Variants in TYW1 observed in about 807,000 individuals in gnomAD.
TYW1 encodes S-adenosyl-L-methionine-dependent tRNA 4-demethylwyosine synthase TYW1.
TYW1 carries 46 observed loss-of-function variants against 96.2 expected under a neutral mutation model. The observed-to-expected ratio is 0.48, with a 90% confidence interval of 0.38 to 0.61. The LOEUF is 0.61. Among genes scored for constraint, TYW1 ranks in the 20% least tolerant of loss-of-function variants. The pLI is 0.00. For missense variants in TYW1, 684 were observed against 909.6 expected, an observed-to-expected ratio of 0.75 and a Z score of 3.19; for synonymous variants, 274 against 323.0, an observed-to-expected ratio of 0.85 and a Z score of 1.63.
intron 6 of TYW1, among the ~76,000 whole-genome samples, chr7:67,020,742 T>C (rs568793770): frequency 2.0e-5 from 3 of 152,382 alleles, no homozygotes; most frequent in African/African-American, 7.2e-5. Flanking sequence ...TAAAAATATT[T>C]GTCAAGGCTG....
intron 13 of TYW1, among the ~76,000 whole-genome samples, chr7:67,176,346 T>G (rs1447945477): frequency 2.0e-5 from 3 of 152,224 alleles, no homozygotes; most frequent in African/African-American, 7.2e-5. Flanking sequence ...TATTTATTTA[T>G]GGTAGCCACT....
chr7:67,089,331 C>T lies in TYW1; in HGVS notation c.1384+5792C>T, dbSNP rs562893806. 1.4e-5 allele frequency: 18 copies of T among 1,283,172 alleles called. No individual in the cohort carries two copies. In the Admixed American group the frequency reaches 2.9e-4, roughly 21 times the overall value. 79.5% of individuals were successfully genotyped at this position (1,283,172 alleles called of 1,614,324 possible). On this transcript the variant is annotated intron_variant, in intron 11 of 15. Transcript: ENST00000359626. ...TCCTCTGCCTTTTGGGAGGGCCCTT[C>T]TCGAGGTGGCGGCCCTGTCCATTCC...
chr7:67,166,310 A>T (rs981090072), intron 13 of TYW1, among the ~76,000 whole-genome samples: 12 of 143,966 alleles, frequency 8.3e-5, no homozygotes, highest in Non-Finnish European at 1.5e-5. Flanking sequence ...AGTACTTTTT[A>T]TATATAATAT....
intron 15 of TYW1, among the ~76,000 whole-genome samples, chr7:67,198,076 A>G (rs1216632707): frequency 1.3e-5 from 2 of 151,750 alleles, no homozygotes; most frequent in Non-Finnish European, 2.9e-5. Flanking sequence ...TCTTAAGACT[A>G]GGAATATTTT....
intron 13 of TYW1, among the ~76,000 whole-genome samples, chr7:67,177,627 C>T (rs2687043): frequency 6.6e-6 from 1 of 152,146 alleles, no homozygotes; most frequent in African/African-American, 2.4e-5. Context: ...TGCTTACATC[C>T]ACAGGCAGAT....
At chr7:67,047,638 C>T (rs1328620860) in intron 7 of TYW1, among the ~76,000 whole-genome samples, 4 of 138,294 alleles carry the variant, frequency 2.9e-5, no homozygotes, top group African/African-American at 7.5e-5. Flanking sequence ...GGACTTAATG[C>T]GACTTTTTTT....
chr7:67,122,406 TAAA>T (rs1311144166), intron 13 of TYW1, among the ~76,000 whole-genome samples: 1 of 152,174 alleles, frequency 6.6e-6, no homozygotes, highest in Non-Finnish European at 1.5e-5. Flanking sequence ...ATTTGCAAAT[TAAA>T]AAACAAACAT....
intron 12 of TYW1, among the ~76,000 whole-genome samples, chr7:67,102,378 G>A (rs1486975555): frequency 6.6e-6 from 1 of 152,172 alleles, no homozygotes; most frequent in African/African-American, 2.4e-5. Context: ...TGTGGAATAC[G>A]ACAAGATGTT....
At chr7:67,075,231 G>T (rs1465413646) in intron 10 of TYW1, among the ~76,000 whole-genome samples, 2 of 152,086 alleles carry the variant, frequency 1.3e-5, no homozygotes, top group Non-Finnish European at 1.5e-5. Flanking sequence ...TTACCATTGT[G>T]TGTCTCTTAT....
At chr7:67,133,321 A>G (rs1266947014) in intron 13 of TYW1, among the ~76,000 whole-genome samples, 4 of 151,652 alleles carry the variant, frequency 2.6e-5, no homozygotes, top group Admixed American at 2.6e-4. Context: ...TGATTCTTTA[A>G]CTTGTACAGA....
intron 13 of TYW1, among the ~76,000 whole-genome samples, chr7:67,164,525 G>A (rs1799261670): frequency 6.6e-6 from 1 of 151,846 alleles, no homozygotes; most frequent in African/African-American, 2.4e-5. Context: ...GTGGGAGGAT[G>A]GTTTGAGCTT....
At chr7:67,155,718 C>G (rs1297803651) in intron 13 of TYW1, among the ~76,000 whole-genome samples, 1 of 152,100 alleles carries the variant, frequency 6.6e-6, no homozygotes, top group Non-Finnish European at 1.5e-5. Flanking sequence ...GCCACTGAGC[C>G]CGGCTAAGTA....
At chr7:67,117,411 C>A in intron 12 of TYW1, 72 bp from the exon 13 acceptor site, 2 of 1,527,846 alleles carry the variant, frequency 1.3e-6, no homozygotes, top group Non-Finnish European at 1.8e-6. Context: ...TTACAGATTG[C>A]AGGTTTTATA....
At chr7:67,052,887 GC>G (rs1338467298) in intron 8 of TYW1, among the ~76,000 whole-genome samples, 1 of 151,324 alleles carries the variant, frequency 6.6e-6, no homozygotes, top group Non-Finnish European at 1.5e-5. Context: ...GTAATTGCGT[GC>G]CCACTACCAC....
At chr7:67,195,406 T>C in intron 15 of TYW1, 69 bp downstream of exon 15, 2 of 1,603,390 alleles carry the variant, frequency 1.2e-6, no homozygotes, top group Non-Finnish European at 1.7e-6. Flanking sequence ...CTTCTCTCTT[T>C]ATTTTCCTCT....
At chr7:67,022,967 A>T (rs1794324807) in intron 6 of TYW1, among the ~76,000 whole-genome samples, 1 of 152,128 alleles carries the variant, frequency 6.6e-6, no homozygotes, top group African/African-American at 2.4e-5. Flanking sequence ...CTCGTCTAAG[A>T]GGGGCTGTTT....
chr7:67,211,148 CATT>C (rs912727361), intron 15 of TYW1, among the ~76,000 whole-genome samples: 2 of 118,170 alleles, frequency 1.7e-5, no homozygotes, highest in East Asian at 2.2e-4. Flanking sequence ...CCCCCATCAA[CATT>C]GTGTGTGTGT....
chr7:67,004,004 A>AC (rs1422450292), intron 3 of TYW1, among the ~76,000 whole-genome samples: 1 of 151,756 alleles, frequency 6.6e-6, no homozygotes, highest in Non-Finnish European at 1.5e-5. Context: ...AGATGGCGCC[A>AC]CTGCACTCCA....
intron 9 of TYW1, among the ~76,000 whole-genome samples, chr7:67,062,718 A>G (rs955339752): frequency 6.6e-6 from 1 of 152,182 alleles, no homozygotes; most frequent in African/African-American, 2.4e-5. Flanking sequence ...AAATACATCT[A>G]TTCCTCAAAA....
Sources: allele counts gnomAD v4.1 joint callset (sites outside exome capture counted in the v4.1 genomes callset), GRCh38; gene constraint gnomAD v4.1.1; transcripts MANE v1.5; gene names NCBI Gene and HGNC (gene_info 2026-07-23, HGNC 2026-07-21).